Variants in ASIC2 observed in about 807,000 individuals in gnomAD.
ASIC2 encodes acid sensing ion channel subunit 2.
ASIC2 carries 25 observed loss-of-function variants against 57.3 expected under a neutral mutation model. The observed-to-expected ratio is 0.44, with a 90% CI of 0.32 to 0.61. The LOEUF (loss-of-function observed/expected upper bound fraction) is 0.61, where lower values mean the gene tolerates loss of function less well. ASIC2 is among the 20% of genes least tolerant of loss of function. The pLI is 0.06. For synonymous variants in ASIC2, 319 were observed against 307.5 expected (o/e 1.04, Z -0.39); for missense variants, 641 against 738.1 (o/e 0.87, Z 1.52).
At chr17:33,452,469 T>C (rs978657539) in intron 1 of ASIC2, among the ~76,000 whole-genome samples, 1 of 152,234 alleles carries the variant, frequency 6.6e-6, no homozygotes, top group Middle Eastern at 3.4e-3. Context: ...TTGAAAGCAA[T>C]GGAAAAGGGA....
intron 1 of ASIC2, among the ~76,000 whole-genome samples, chr17:33,400,515 T>C (rs560311239): frequency 6.6e-6 from 1 of 152,290 alleles, no homozygotes; most frequent in African/African-American, 2.4e-5. Flanking sequence ...TCTCCGACTC[T>C]ACTCCCTTCT....
chr17:33,837,465 A>G (rs1308815883), intron 1 of ASIC2, among the ~76,000 whole-genome samples: 1 of 152,246 alleles, frequency 6.6e-6, no homozygotes, highest in Non-Finnish European at 1.5e-5. Flanking sequence ...ATTTAGCCCC[A>G]GGGAAATGTG....
At chr17:33,232,026 T>C (rs762033663) in intron 1 of ASIC2, among the ~76,000 whole-genome samples, 9 of 152,182 alleles carry the variant, frequency 5.9e-5, no homozygotes, top group Non-Finnish European at 1.0e-4. Flanking sequence ...CTAAATAAAT[T>C]TGGAACCTTG....
chr17:33,668,254 C>T (rs1201430969), intron 1 of ASIC2, among the ~76,000 whole-genome samples: 2 of 138,788 alleles, frequency 1.4e-5, no homozygotes, highest in African/African-American at 5.3e-5. Flanking sequence ...AATCTGATTG[C>T]TTCTCCAATC....
intron 1 of ASIC2, among the ~76,000 whole-genome samples, chr17:33,330,420 A>G (rs569682652): frequency 6.6e-6 from 1 of 152,336 alleles, no homozygotes; most frequent in Non-Finnish European, 1.5e-5. Context: ...AACCAGGATC[A>G]GAAGAATAAA....
At chr17:33,106,222 A>G (rs904932898) in intron 2 of ASIC2, among the ~76,000 whole-genome samples, 1 of 152,168 alleles carries the variant, frequency 6.6e-6, no homozygotes, top group Non-Finnish European at 1.5e-5. Context: ...GGGGAGGGCA[A>G]TAGGAGCTGA....
At chr17:33,985,825 C>A (rs1466957206) in intron 1 of ASIC2, among the ~76,000 whole-genome samples, 1 of 152,204 alleles carries the variant, frequency 6.6e-6, no homozygotes, top group Non-Finnish European at 1.5e-5. Flanking sequence ...CCCAGGACTT[C>A]ACTCCTTCCT....
At chr17:33,052,505 G>A (rs1269209092) in intron 3 of ASIC2, 1 of 152,284 alleles carries the variant, frequency 6.6e-6, no homozygotes, top group Non-Finnish European at 1.5e-5. Context: ...ATTAGGAGGA[G>A]CATGTGGAGA....
At chr17:33,087,072 T>C (rs983816783) in intron 3 of ASIC2, among the ~76,000 whole-genome samples, 1 of 152,168 alleles carries the variant, frequency 6.6e-6, no homozygotes, top group African/African-American at 2.4e-5. Context: ...CCTCACCATG[T>C]CAACCCATGT....
At chr17:33,889,690 C>T (rs1032423545) in intron 1 of ASIC2, among the ~76,000 whole-genome samples, 1 of 152,286 alleles carries the variant, frequency 6.6e-6, no homozygotes, top group South Asian at 2.1e-4. Flanking sequence ...TCTTCGTTAG[C>T]GTCCATTGTT....
At chr17:33,601,999 G>A (rs903724277) in intron 1 of ASIC2, among the ~76,000 whole-genome samples, 1 of 152,222 alleles carries the variant, frequency 6.6e-6, no homozygotes, top group African/African-American at 2.4e-5. Flanking sequence ...TACTTTGTAA[G>A]TGTATAACTT....
intron 1 of ASIC2, among the ~76,000 whole-genome samples, chr17:33,370,514 G>A (rs993800716): frequency 6.6e-6 from 1 of 152,200 alleles, no homozygotes; most frequent in African/African-American, 2.4e-5. Context: ...GAGGGGTCTG[G>A]TTCTTTAGCA....
intron 1 of ASIC2, among the ~76,000 whole-genome samples, chr17:33,388,963 T>G (rs1412150096): frequency 1.3e-5 from 2 of 152,136 alleles, no homozygotes; most frequent in African/African-American, 4.8e-5. Context: ...CACTCTTGTT[T>G]GTTTGTTTGT....
intron 1 of ASIC2, among the ~76,000 whole-genome samples, chr17:33,768,772 T>C (rs999322250): frequency 2.6e-5 from 4 of 152,190 alleles, no homozygotes; most frequent in South Asian, 2.1e-4. Context: ...AGGCCCACCC[T>C]TCCCCCATCC....
intron 1 of ASIC2, among the ~76,000 whole-genome samples, chr17:34,088,368 C>T (rs1195134908): frequency 8.5e-5 from 13 of 152,132 alleles, no homozygotes; most frequent in Non-Finnish European, 1.3e-4. Flanking sequence ...TTTTCGTGAA[C>T]GGCGAATGCT....
At chr17:33,487,473 T>C (rs1597747531) in intron 1 of ASIC2, among the ~76,000 whole-genome samples, 1 of 152,326 alleles carries the variant, frequency 6.6e-6, no homozygotes, top group East Asian at 1.9e-4. Context: ...TGTGACCTAG[T>C]GCAAGTGACA....
At chr17:33,178,930 T>G (rs966745186) in intron 1 of ASIC2, among the ~76,000 whole-genome samples, 5 of 152,178 alleles carry the variant, frequency 3.3e-5, no homozygotes, top group Admixed American at 1.3e-4. Flanking sequence ...GTTTCCTCCC[T>G]CATTGCAGCC....
At chr17:34,037,929 A>G in intron 1 of ASIC2, 1 of 1,613,874 alleles carries the variant, frequency 6.2e-7, no homozygotes, top group Non-Finnish European at 8.5e-7. Context: ...CACTGATAGA[A>G]GATCACACCC....
At chr17:34,093,869 G>A (rs1410636452) in intron 1 of ASIC2, among the ~76,000 whole-genome samples, 1 of 152,072 alleles carries the variant, frequency 6.6e-6, no homozygotes, top group South Asian at 2.1e-4. Context: ...GTCATTTGGG[G>A]GCACAGGAGG....
Sources: allele counts gnomAD v4.1 joint callset (sites outside exome capture counted in the v4.1 genomes callset), GRCh38; gene constraint gnomAD v4.1.1; transcripts MANE v1.5; gene names NCBI Gene and HGNC (gene_info 2026-07-23, HGNC 2026-07-21).